Variants in NEK6 observed in about 807,000 individuals in gnomAD.
NEK6 encodes serine/threonine-protein kinase Nek6.
Under a neutral mutation model 43.5 loss-of-function variants are expected in NEK6, and 27 were observed. The observed-to-expected ratio is 0.62, with a 90% CI of 0.46 to 0.86. The LOEUF (loss-of-function observed/expected upper bound fraction) is 0.86, where lower values mean the gene tolerates loss of function less well. NEK6 is among the 40% of genes least tolerant of loss of function. The pLI is 0.00. For synonymous variants in NEK6, 167 were observed against 164.1 expected (o/e 1.02, Z -0.14); for missense variants, 318 against 414.4 (o/e 0.77, Z 2.02).
intron 1 of NEK6, among the ~76,000 whole-genome samples, chr9:124,286,787 G>C (rs1832184610): frequency 6.6e-6 from 1 of 152,220 alleles, no homozygotes; most frequent in African/African-American, 2.4e-5. Flanking sequence ...AGCTCCAGAG[G>C]CTGCCAGCCT....
At chr9:124,305,846 A>G (rs996390597) in intron 2 of NEK6, among the ~76,000 whole-genome samples, 8 of 152,242 alleles carry the variant, frequency 5.3e-5, no homozygotes, top group Non-Finnish European at 1.0e-4. Flanking sequence ...TGCATGGCCA[A>G]TCAGGTTAGA....
intron 1 of NEK6, among the ~76,000 whole-genome samples, chr9:124,286,836 G>A (rs1449090639): frequency 6.6e-6 from 1 of 152,242 alleles, no homozygotes; most frequent in Non-Finnish European, 1.5e-5. Flanking sequence ...GACATGAGTA[G>A]GGACTTCCCC....
intron 1 of NEK6, among the ~76,000 whole-genome samples, chr9:124,267,187 C>T (rs1831264687): frequency 1.3e-5 from 2 of 152,264 alleles, no homozygotes; most frequent in African/African-American, 4.8e-5. Flanking sequence ...CCAGATTACA[C>T]CCCATCTTAG....
At chr9:124,321,429 G>T in intron 4 of NEK6, 30 bp from the exon 5 acceptor site, 1 of 1,462,356 alleles carries the variant, frequency 6.8e-7, no homozygotes, top group Non-Finnish European at 9.6e-7. Flanking sequence ...TTCACTTGGT[G>T]CCCCCTTCCC....
chr9:124,330,290 A>C (rs745412293), intron 7 of NEK6, among the ~76,000 whole-genome samples: 2 of 152,240 alleles, frequency 1.3e-5, no homozygotes, highest in Non-Finnish European at 2.9e-5. Context: ...TGCATACATA[A>C]AAATTAAGTG....
intron 2 of NEK6, among the ~76,000 whole-genome samples, chr9:124,304,306 C>T (rs1833146790): frequency 6.6e-6 from 1 of 152,220 alleles, no homozygotes; most frequent in African/African-American, 2.4e-5. Context: ...AGGCATTTTC[C>T]TTGATAGCAG....
At chr9:124,311,382 G>A (rs766497461) in intron 2 of NEK6, among the ~76,000 whole-genome samples, 3 of 152,196 alleles carry the variant, frequency 2.0e-5, no homozygotes, top group African/African-American at 4.8e-5. Flanking sequence ...TCAGGCAAAT[G>A]GAGACACAGC....
intron 7 of NEK6, 49 bp from the exon 8 acceptor site, chr9:124,339,522 C>T: frequency 1.5e-6 from 2 of 1,365,492 alleles, no homozygotes; most frequent in Non-Finnish European, 2.1e-6. Flanking sequence ...TGTGCCCTGC[C>T]CCTGCCCTAC....
chr9:124,303,776 G>A (rs1833115244), intron 2 of NEK6, among the ~76,000 whole-genome samples: 1 of 152,208 alleles, frequency 6.6e-6, no homozygotes, highest in African/African-American at 2.4e-5. Context: ...CTGATGGCTG[G>A]GGGCAGCAGG....
At chr9:124,330,414 G>A (rs1393598692) in intron 7 of NEK6, among the ~76,000 whole-genome samples, 1 of 152,190 alleles carries the variant, frequency 6.6e-6, no homozygotes, top group African/African-American at 2.4e-5. Flanking sequence ...GACAAATCAC[G>A]GGGCTGGGAG....
intron 1 of NEK6, among the ~76,000 whole-genome samples, chr9:124,287,119 G>T (rs1832199897): frequency 6.6e-6 from 1 of 152,194 alleles, no homozygotes; most frequent in Non-Finnish European, 1.5e-5. Flanking sequence ...TCAGGGTCAG[G>T]AGCGTACAGG....
At position 124,302,036 on chromosome 9, in the gene NEK6, G is replaced by T; in HGVS notation, c.72G>T (p.Val24=). 1 of 1,603,674 alleles carries T rather than the reference G, an allele frequency of 6.2e-7. No homozygotes were observed. Among genetic ancestry groups the T allele is most frequent in the South Asian group, 1.1e-5 (1 of 88,998 alleles). ...SNNLCHTLGP[V]HPPDPQRHPN... ...ACCTCTGCCACACCCTGGGGCCTGT[G>T]CATCCTCCTGACCCACAGGTAAGCC... The change falls in exon 2 of 10, where the codon GTG becomes GTT. Residue 24 remains valine (V), a synonymous_variant. Coordinates refer to ENST00000320246, the MANE Select transcript of NEK6 (RefSeq NM_014397.6).
chr9:124,280,368 C>T (rs578194557), intron 1 of NEK6, among the ~76,000 whole-genome samples: 11 of 152,216 alleles, frequency 7.2e-5, no homozygotes, highest in African/African-American at 1.9e-4. Context: ...AAGGGTACGG[C>T]GTCAGACCTT....
At chr9:124,344,113 C>G (rs952702118) in intron 8 of NEK6, among the ~76,000 whole-genome samples, 12 of 152,198 alleles carry the variant, frequency 7.9e-5, no homozygotes, top group African/African-American at 2.7e-4. Context: ...ACCACAGCCT[C>G]TGGTGTGCGT....
chr9:124,265,785 G>C (rs1022303762), intron 1 of NEK6: 6 of 152,260 alleles, frequency 3.9e-5, no homozygotes, highest in Non-Finnish European at 8.8e-5. Flanking sequence ...ACTCCCTTCT[G>C]CTAACCAGAG....
chr9:124,279,113 C>G (rs955662380), intron 1 of NEK6, among the ~76,000 whole-genome samples: 5 of 152,088 alleles, frequency 3.3e-5, no homozygotes, highest in Non-Finnish European at 7.4e-5. Context: ...GGGCTTCAAC[C>G]TGTCTTGGTG....
chr9:124,313,119 C>T (rs527490744), intron 3 of NEK6, among the ~76,000 whole-genome samples: 1 of 152,260 alleles, frequency 6.6e-6, no homozygotes, highest in Non-Finnish European at 1.5e-5. Flanking sequence ...GGACAGGAGC[C>T]ATGTCCATGA....
rs781651777 is a variant in NEK6, at chr9:124,287,641, A to G, written c.-29-14295A>G. On this transcript the variant is annotated intron_variant, in intron 1 of 9. Coordinates refer to ENST00000320246, the MANE Select transcript of NEK6 (RefSeq NM_014397.6). Reference sequence around the variant, plus strand: ...GGAGTTTGAAACTAGCCTGGCCAACATGGTGAAACCCCATCTTTACTAAAA... The same window carrying G: ...GGAGTTTGAAACTAGCCTGGCCAACGTGGTGAAACCCCATCTTTACTAAAA... Among the ~76,000 whole-genome samples, 19 of 152,326 alleles carry G rather than the reference A, an allele frequency of 1.2e-4. No individual in the cohort carries two copies. In the South Asian group the frequency reaches 1.4e-3, roughly 12 times the overall value.
chr9:124,258,377 G>A, intron 1 of NEK6: 1 of 978,858 alleles, frequency 1.0e-6, no homozygotes, highest in Non-Finnish European at 1.2e-6. Flanking sequence ...TGCGTGCGGG[G>A]ACGCGGGCAT....
Sources: allele counts gnomAD v4.1 joint callset (sites outside exome capture counted in the v4.1 genomes callset), GRCh38; gene constraint gnomAD v4.1.1; transcripts MANE v1.5; gene names NCBI Gene and HGNC (gene_info 2026-07-23, HGNC 2026-07-21).